PCDHGA11: variants seen among roughly 807,000 people sequenced by gnomAD.
PCDHGA11 encodes protocadherin gamma subfamily A, 11, also known as protocadherin gamma-A11.
Under a neutral mutation model 60.4 loss-of-function variants are expected in PCDHGA11, and 39 were observed. The ratio of observed to expected loss-of-function variants is 0.65; its 90% CI spans 0.50 to 0.84. PCDHGA11 has a LOEUF of 0.84. PCDHGA11 is among the 40% of genes least tolerant of loss of function. The probability of loss-of-function intolerance (pLI) is 0.00; values close to 1 mark genes in which losing one functional copy is unlikely to be tolerated. For missense variants in PCDHGA11, 1,165 were observed against 1,197.7 expected (o/e 0.97, Z 0.40); for synonymous variants, 533 against 510.3 (o/e 1.04, Z -0.60).
chr5:141,487,004 C>G lies in PCDHGA11; in HGVS notation c.2434-7803C>G. 1 of 1,614,224 alleles carries G rather than the reference C, an allele frequency of 6.2e-7. No homozygotes were observed. The highest frequency in any genetic ancestry group is 1.1e-5 in the South Asian group (1 of 91,086). On this transcript the variant is annotated intron_variant, in intron 1 of 3. Transcript: ENST00000398587. This position sits in a 1 kb window ranked among gnomAD's most constrained non-coding sequence, Gnocchi z 5.0. ...CAATGCTTGGGTTTCCTATCAGCTC[C>G]TGGAGGCCCCAGATCCCAGCCTGTT...
chr5:141,433,176 T>A, intron 1 of PCDHGA11: 1 of 1,610,288 alleles, frequency 6.2e-7, no homozygotes, highest in Non-Finnish European at 8.5e-7. Flanking sequence ...AGTCATGGGT[T>A]AATTGAGGTG....
Position 141,477,575 on chromosome 5 carries a change from C to T in PCDHGA11, c.2434-17232C>T. The T allele has an allele frequency of 6.2e-7, 1 of 1,614,176 alleles. No individual in the cohort carries two copies. The highest frequency in any genetic ancestry group is 8.5e-7 in the Non-Finnish European group (1 of 1,180,030). On this transcript the variant is annotated intron_variant, in intron 1 of 3. Coordinates refer to ENST00000398587, the MANE Select transcript of PCDHGA11 (RefSeq NM_018914.3). This position sits in a 1 kb window ranked among gnomAD's most constrained non-coding sequence, Gnocchi z 4.9. ...CCTAAGTGTCTGGGACCCCGACGCC[C>T]CGCAGAATGCTCGGCTTTCTTTCTT... is the stretch of plus-strand genomic sequence containing the variant.
intron 1 of PCDHGA11, chr5:141,428,285 C>G (rs765814584): frequency 1.1e-5 from 8 of 734,934 alleles, no homozygotes; most frequent in Non-Finnish European, 1.7e-5. Context: ...GATTCCCAAG[C>G]AAAGCTGCAG....
At chr5:141,506,226 G>A (rs1248069119) in intron 3 of PCDHGA11, among the ~76,000 whole-genome samples, 3 of 152,152 alleles carry the variant, frequency 2.0e-5, no homozygotes, top group Non-Finnish European at 1.5e-5. Flanking sequence ...TGAGGCAGGA[G>A]GATCATGAGG....
At chr5:141,484,621 T>C (rs2099598239) in intron 1 of PCDHGA11, among the ~76,000 whole-genome samples, 1 of 152,058 alleles carries the variant, frequency 6.6e-6, no homozygotes, top group Admixed American at 6.6e-5. Flanking sequence ...CAACACTGGC[T>C]TGAACAAAGT....
At chr5:141,441,790 A>G in intron 1 of PCDHGA11, 1 of 391,228 alleles carries the variant, frequency 2.6e-6, no homozygotes, top group South Asian at 2.0e-5. Context: ...CTGAATGACA[A>G]CGCACCGCGG....
intron 2 of PCDHGA11, among the ~76,000 whole-genome samples, chr5:141,501,287 TTA>T (rs1491235092): frequency 6.2e-5 from 6 of 96,980 alleles, no homozygotes; most frequent in African/African-American, 2.5e-4. Context: ...GGATATTCCC[TTA>T]TACACACACA....
chr5:141,460,278 G>C (rs1380767218), intron 1 of PCDHGA11, among the ~76,000 whole-genome samples: 1 of 151,964 alleles, frequency 6.6e-6, no homozygotes, highest in African/African-American at 2.4e-5. Context: ...TTCTTTTATA[G>C]TTTGTATTTC....
chr5:141,490,984 T>TCTG lies in PCDHGA11; in HGVS notation c.2434-3820_2434-3818dup. On this transcript the variant is annotated intron_variant, in intron 1 of 3. Transcript: ENST00000398587. The surrounding 1 kb of genome is among the most constrained non-coding windows in gnomAD (Gnocchi z 5.4). ...CTCAGCCCCCCAGCGTCTCCCTCGCTCTGCTCCTCCTGGCTCCTTGGTCAC... is the reference window on the plus strand; with the variant it reads ...CTCAGCCCCCCAGCGTCTCCCTCGCTCTGCTGCTCCTCCTGGCTCCTTGGTCAC... The TCTG allele has an allele frequency of 1.2e-6, 2 of 1,614,110 alleles. No homozygotes were observed. Among genetic ancestry groups the TCTG allele is most frequent in the Non-Finnish European group, 1.7e-6 (2 of 1,180,028 alleles).
intron 3 of PCDHGA11, among the ~76,000 whole-genome samples, chr5:141,507,760 T>G (rs2099863136): frequency 6.6e-6 from 1 of 152,202 alleles, no homozygotes; most frequent in Non-Finnish European, 1.5e-5. Context: ...GCCTCCCACC[T>G]TTGGCCCACA....
At chr5:141,494,979 T>C in intron 2 of PCDHGA11, 114 bp downstream of exon 2, 1 of 1,571,464 alleles carries the variant, frequency 6.4e-7, no homozygotes, top group Admixed American at 1.8e-5. Flanking sequence ...TCCCTCAGTT[T>C]GAGATCCCAG....
chr5:141,494,643 AG>A, intron 1 of PCDHGA11, 163 bp from the exon 2 acceptor site: 1 of 928,048 alleles, frequency 1.1e-6, no homozygotes, highest in Non-Finnish European at 1.3e-6. Flanking sequence ...CTGAGACCTG[AG>A]GTGTATTTTG....
chr5:141,444,363 G>A (rs1292799006), intron 1 of PCDHGA11, among the ~76,000 whole-genome samples: 1 of 151,772 alleles, frequency 6.6e-6, no homozygotes, highest in Non-Finnish European at 1.5e-5. Context: ...TAGAGACGGG[G>A]TTTCTCCATG....
At position 141,489,314 on chromosome 5, in the gene PCDHGA11, G is replaced by C. The variant is rs374235290; in HGVS notation, c.2434-5493G>C. The stretch of plus-strand genomic sequence containing the variant: ...TGCATGTTGTCCTTGTGCTGCTGGG[G>C]CTGGGTGTCTGGGCAGCTTCGTTAC... On this transcript the variant is annotated intron_variant, in intron 1 of 3. Coordinates refer to ENST00000398587, the MANE Select transcript of PCDHGA11 (RefSeq NM_018914.3). This position sits in a 1 kb window ranked among gnomAD's most constrained non-coding sequence, Gnocchi z 4.5. 2 of 1,596,790 alleles carry C rather than the reference G, an allele frequency of 1.3e-6. No homozygotes were observed. The highest frequency in any genetic ancestry group is 2.2e-5 in the East Asian group (1 of 44,724).
intron 1 of PCDHGA11, among the ~76,000 whole-genome samples, chr5:141,459,755 G>A (rs1383912891): frequency 2.0e-5 from 3 of 152,182 alleles, no homozygotes; most frequent in African/African-American, 7.2e-5. Flanking sequence ...CAATTCTAGT[G>A]GGTGTGTGAT....
At chr5:141,426,826 T>C (rs2096963111) in intron 1 of PCDHGA11, 1 of 456,600 alleles carries the variant, frequency 2.2e-6, no homozygotes, top group Admixed American at 2.3e-5. Flanking sequence ...TCTCTGATGA[T>C]GGACAAGACT....
intron 3 of PCDHGA11, among the ~76,000 whole-genome samples, chr5:141,506,877 G>A (rs998146154): frequency 1.3e-5 from 2 of 152,142 alleles, no homozygotes; most frequent in Non-Finnish European, 2.9e-5. Flanking sequence ...AGAGAACCAG[G>A]TGAAATCACA....
rs751153896 is a variant in PCDHGA11, at chr5:141,477,514, T to C, written c.2434-17293T>C. On this transcript the variant is annotated intron_variant, in intron 1 of 3. Transcript: ENST00000398587. The surrounding 1 kb of genome is among the most constrained non-coding windows in gnomAD (Gnocchi z 4.9). ...CTCAATCTTCCTACGACGTTTACAT[T>C]GAAGAAAACAACCTCCCCGGGGCTC... is the stretch of plus-strand genomic sequence containing the variant. 2 of 1,614,114 alleles carry C rather than the reference T, an allele frequency of 1.2e-6. No individual in the cohort carries two copies. The highest frequency in any genetic ancestry group is 2.2e-5 in the East Asian group (1 of 44,878).
In PCDHGA11 at chr5:141,485,368, G is replaced by T. The variant is rs2154580406; in HGVS notation, c.2434-9439G>T. On this transcript the variant is annotated intron_variant, in intron 1 of 3. Coordinates refer to ENST00000398587, the MANE Select transcript of PCDHGA11 (RefSeq NM_018914.3). This position sits in a 1 kb window ranked among gnomAD's most constrained non-coding sequence, Gnocchi z 5.7. Reference sequence around the variant, plus strand: ...ACAGTCTGTCAGCTCGCAGGCTGCAGGTCGCTGGAGAGGTGAACCAAAGAC... The same window carrying T: ...ACAGTCTGTCAGCTCGCAGGCTGCATGTCGCTGGAGAGGTGAACCAAAGAC... The T allele has an allele frequency of 6.2e-7, 1 of 1,614,144 alleles. No individual in the cohort carries two copies. The highest frequency in any genetic ancestry group is 2.2e-5 in the East Asian group (1 of 44,866).
Sources: gnomAD v4.1 joint callset for allele counts (sites outside exome capture counted in the v4.1 genomes callset) on GRCh38, gnomAD v4.1.1 for gene constraint, Gnocchi (gnomAD v3.1) non-coding constraint, MANE v1.5 for transcripts, NCBI Gene and HGNC (gene_info 2026-07-23, HGNC 2026-07-21) for gene names.